CDH13: variants seen among roughly 807,000 people sequenced by gnomAD.
CDH13 encodes cadherin 13, also known as cadherin-13.
A neutral mutation model predicts 63.8 loss-of-function variants in CDH13; 24 were observed. That is an observed-to-expected ratio of 0.38 (90% CI 0.27 to 0.53). CDH13 has a LOEUF of 0.53. Ranked by LOEUF, CDH13 falls within the 20% of genes least tolerant of loss-of-function variation. CDH13 has a pLI of 0.85. For synonymous variants in CDH13, 503 were observed against 355.3 expected, an observed-to-expected ratio of 1.42 and a Z score of -4.67; for missense variants, 1,049 against 903.1, an observed-to-expected ratio of 1.16 and a Z score of -2.07.
intron 5 of CDH13, among the ~76,000 whole-genome samples, chr16:83,315,719 C>T (rs923917704): frequency 5.3e-5 from 8 of 151,098 alleles, no homozygotes; most frequent in African/African-American, 1.9e-4. Flanking sequence ...TTCTAGTCAT[C>T]GGGATCTTGC....
At chr16:83,054,504 T>A (rs565758094) in intron 3 of CDH13, among the ~76,000 whole-genome samples, 6 of 152,282 alleles carry the variant, frequency 3.9e-5, no homozygotes, top group South Asian at 2.1e-4. Context: ...GACAAAGCCA[T>A]GATTCATGTC....
chr16:82,866,463 A>C (rs2040149186), intron 2 of CDH13, among the ~76,000 whole-genome samples: 1 of 127,124 alleles, frequency 7.9e-6, no homozygotes, highest in Admixed American at 1.1e-4. Context: ...ATCTCAGCTC[A>C]CTGCAACCTC....
At chr16:83,769,790 ATGACCTTGCCT>A (rs1481237650) in intron 11 of CDH13, among the ~76,000 whole-genome samples, 8 of 152,174 alleles carry the variant, frequency 5.3e-5, no homozygotes, top group Admixed American at 5.2e-4. Context: ...GGGCACGTAG[ATGACCTTGCCT>A]TGTAGGGAAT....
chr16:83,063,522 T>A (rs182603791), intron 3 of CDH13, among the ~76,000 whole-genome samples: 59 of 152,298 alleles, frequency 3.9e-4, no homozygotes, highest in Admixed American at 2.7e-3. Context: ...AGCCTAAGGT[T>A]ATAGCAATAG....
chr16:82,978,789 C>T (rs1004445782), intron 2 of CDH13, among the ~76,000 whole-genome samples: 6 of 152,202 alleles, frequency 3.9e-5, no homozygotes, highest in Admixed American at 1.3e-4. Flanking sequence ...GGGGTTGGAG[C>T]CCCCACACAG....
intron 11 of CDH13, among the ~76,000 whole-genome samples, chr16:83,749,438 T>C (rs1414991060): frequency 6.6e-6 from 1 of 151,954 alleles, no homozygotes; most frequent in Admixed American, 6.5e-5. Flanking sequence ...GGCAGAGGAA[T>C]CAAAACTAGA....
chr16:83,602,325 C>A, intron 7 of CDH13, 129 bp from the exon 8 acceptor site: 1 of 876,976 alleles, frequency 1.1e-6, no homozygotes. Context: ...AAAATGTTAT[C>A]ACTCTTTAAA....
chr16:83,087,666 C>T (rs1425778240), intron 3 of CDH13, among the ~76,000 whole-genome samples: 2 of 87,762 alleles, frequency 2.3e-5, no homozygotes, highest in South Asian at 4.8e-4. Context: ...AGACTCCCTC[C>T]GTCTCAAAAA....
At chr16:82,676,316 C>G (rs1913892884) in intron 1 of CDH13, among the ~76,000 whole-genome samples, 1 of 152,050 alleles carries the variant, frequency 6.6e-6, no homozygotes, top group East Asian at 1.9e-4. Flanking sequence ...AAACTCAAGG[C>G]TTTCTAGTGT....
At chr16:82,753,556 C>G (rs1208960566) in intron 1 of CDH13, among the ~76,000 whole-genome samples, 1 of 152,172 alleles carries the variant, frequency 6.6e-6, no homozygotes, top group Non-Finnish European at 1.5e-5. Flanking sequence ...ACCTTAAATT[C>G]AAGATATCCA....
chr16:83,759,420 A>G (rs2150984876), intron 11 of CDH13, among the ~76,000 whole-genome samples: 1 of 152,352 alleles, frequency 6.6e-6, no homozygotes, highest in East Asian at 1.9e-4. Context: ...ATCAAAATAT[A>G]GAAGGAAAAA....
At chr16:83,472,734 A>G (rs113855821) in intron 6 of CDH13, among the ~76,000 whole-genome samples, 25 of 152,338 alleles carry the variant, frequency 1.6e-4, no homozygotes, top group African/African-American at 5.5e-4. Context: ...ACCAAAAATG[A>G]AACAGATTAT....
At chr16:83,233,315 T>A (rs2040055682) in intron 5 of CDH13, among the ~76,000 whole-genome samples, 1 of 152,198 alleles carries the variant, frequency 6.6e-6, no homozygotes, top group South Asian at 2.1e-4. Flanking sequence ...ACCACGACAA[T>A]GTTGATGATC....
chr16:83,158,826 G>C (rs956202853), intron 4 of CDH13, among the ~76,000 whole-genome samples: 1 of 152,218 alleles, frequency 6.6e-6, no homozygotes, highest in African/African-American at 2.4e-5. Context: ...CAGGAAGGGC[G>C]GCGGGGTGGT....
intron 2 of CDH13, among the ~76,000 whole-genome samples, chr16:82,962,550 G>A (rs970430652): frequency 6.6e-6 from 1 of 152,184 alleles, no homozygotes; most frequent in African/African-American, 2.4e-5. Context: ...AGAAGGGATA[G>A]GATGCATGCA....
chr16:82,822,956 C>T (rs55738241), intron 1 of CDH13, among the ~76,000 whole-genome samples: 10,660 of 152,136 alleles, frequency 0.07, 472 homozygotes, highest in Middle Eastern at 0.12. Context: ...GAAGTGCGCT[C>T]GCTCATAGAC....
chr16:82,792,098 C>A (rs879364756), intron 1 of CDH13, among the ~76,000 whole-genome samples: 4 of 152,150 alleles, frequency 2.6e-5, no homozygotes, highest in Non-Finnish European at 4.4e-5. Flanking sequence ...GCTTCTAGCC[C>A]ATAGAATATG....
chr16:83,502,197 G>A (rs147190154), intron 7 of CDH13, among the ~76,000 whole-genome samples: 1 of 152,278 alleles, frequency 6.6e-6, no homozygotes, highest in Non-Finnish European at 1.5e-5. Flanking sequence ...AAGTGATTAA[G>A]TCAAATATAT....
chr16:82,973,469 A>C (rs948857314), intron 2 of CDH13, among the ~76,000 whole-genome samples: 2 of 152,244 alleles, frequency 1.3e-5, no homozygotes, highest in African/African-American at 4.8e-5. Context: ...AACAAAACAC[A>C]TATTAGGCAC....
Sources: allele counts gnomAD v4.1 joint callset (sites outside exome capture counted in the v4.1 genomes callset), GRCh38; gene constraint gnomAD v4.1.1; transcripts MANE v1.5; gene names NCBI Gene and HGNC (gene_info 2026-07-23, HGNC 2026-07-21).